The following FBXO25 variants were observed in gnomAD, a reference collection of about 807,000 sequenced individuals.
The protein encoded by FBXO25 is F-box protein 25.
In FBXO25, 45 loss-of-function variants were observed where a neutral mutation model predicts 51.9. The observed-to-expected ratio is 0.87, with a 90% CI of 0.68 to 1.11. The LOEUF is 1.11. Among genes scored for constraint, FBXO25 ranks in the 50% most tolerant of loss-of-function variants. The pLI, the probability that FBXO25 is intolerant of heterozygous loss-of-function variation, is 0.00. For synonymous variants in FBXO25, 199 were observed against 151.0 expected (o/e 1.32, Z -2.33); for missense variants, 507 against 428.5 (o/e 1.18, Z -1.62).
chr8:417,056 A>G (rs1796850197), intron 2 of FBXO25, among the ~76,000 whole-genome samples: 1 of 152,200 alleles, frequency 6.6e-6, no homozygotes, highest in African/African-American at 2.4e-5. Flanking sequence ...AGAAAAGTGC[A>G]AAGGCCTCAA....
intron 7 of FBXO25, among the ~76,000 whole-genome samples, chr8:453,602 G>A (rs1799232137): frequency 6.6e-6 from 1 of 152,176 alleles, no homozygotes. Context: ...CTCCTGACCT[G>A]CTGGCTGATG....
rs546347089 is a variant in FBXO25, at chr8:475,612, T to C, written c.*6808T>C. On this transcript the variant is annotated 3_prime_UTR_variant, in exon 10 of 10. Coordinates refer to ENST00000350302, the MANE Select transcript of FBXO25 (RefSeq NM_183420.2). ...TTTCTTTAAGCAGTGTTTTATGGTT[T>C]TCAAGTACAAGTCTTTTGCTTCCTT... 6.6e-6 allele frequency: 1 copy of C among 152,222 alleles called. No individual in the cohort carries two copies. The highest frequency in any genetic ancestry group is 1.5e-5 in the Non-Finnish European group (1 of 68,030). The allele number at this position is 152,222 out of a possible 1,614,324, so 9.4% of individuals were successfully genotyped here. A position where few individuals can be genotyped will look rare whatever the true frequency, so the allele number is the denominator to read the frequency against.
chr8:433,644 G>T (rs548513282), intron 4 of FBXO25, among the ~76,000 whole-genome samples: 36 of 152,274 alleles, frequency 2.4e-4, no homozygotes, highest in African/African-American at 8.4e-4. Flanking sequence ...TAGGATCCGG[G>T]AAGTTGAGTT....
intron 1 of FBXO25, among the ~76,000 whole-genome samples, chr8:411,591 G>C (rs1459775519): frequency 6.6e-6 from 1 of 152,080 alleles, no homozygotes; most frequent in African/African-American, 2.4e-5. Context: ...AATACTTATA[G>C]AGCTCCTGTT....
chr8:464,584 A>G (rs1034430916), intron 9 of FBXO25, among the ~76,000 whole-genome samples: 2 of 152,302 alleles, frequency 1.3e-5, no homozygotes, highest in Non-Finnish European at 1.5e-5. Flanking sequence ...TTTGCTTTAC[A>G]TTATCTATAT....
intron 1 of FBXO25, among the ~76,000 whole-genome samples, chr8:410,344 A>G (rs1796415630): frequency 6.6e-6 from 1 of 152,180 alleles, no homozygotes; most frequent in African/African-American, 2.4e-5. Context: ...CTAGCATAAT[A>G]ACATGTAGTT....
intron 2 of FBXO25, among the ~76,000 whole-genome samples, chr8:424,339 T>G (rs1428650888): frequency 6.6e-6 from 1 of 152,216 alleles, no homozygotes; most frequent in Non-Finnish European, 1.5e-5. Flanking sequence ...CAATAGTTTC[T>G]CTTGCTGTGC....
intron 1 of FBXO25, 145 bp from the exon 2 acceptor site, chr8:412,928 G>A (rs1360663999): frequency 2.5e-6 from 2 of 786,038 alleles, no homozygotes; most frequent in African/African-American, 3.6e-5. Flanking sequence ...TATTGTCACT[G>A]TCACCAATGT....
chr8:424,307 G>A (rs184733751), intron 2 of FBXO25, among the ~76,000 whole-genome samples: 7 of 152,136 alleles, frequency 4.6e-5, no homozygotes, highest in Non-Finnish European at 7.4e-5. Context: ...CTCTCATTCC[G>A]TAGGTTGTCT....
rs1162298848 is a variant in FBXO25, at chr8:435,835, C to A, written c.381+128C>A. ...GTGTGCCTGTTTGCTGCGTATTAAT[C>A]AAAAAACAGAAGGGAACAAGTTCAG... is the stretch of plus-strand genomic sequence containing the variant. On this transcript the variant is annotated intron_variant, in intron 5 of 9. Coordinates refer to ENST00000350302, the MANE Select transcript of FBXO25 (RefSeq NM_183420.2). 51 of 1,359,364 alleles carry A rather than the reference C, an allele frequency of 3.8e-5. No individual in the cohort carries two copies. In the South Asian group the frequency reaches 6.9e-4, roughly 19 times the overall value. The allele number at this position is 1,359,364 out of a possible 1,614,324, so 84.2% of individuals were successfully genotyped here.
intron 5 of FBXO25, among the ~76,000 whole-genome samples, chr8:438,550 C>G (rs1005147968): frequency 2.0e-5 from 3 of 152,176 alleles, no homozygotes; most frequent in Admixed American, 6.5e-5. Flanking sequence ...CGTTTTTACT[C>G]TAATCTTTGA....
Position 473,094 on chromosome 8 carries a change from G to GTATC in FBXO25, c.*4292_*4295dup, listed in dbSNP as rs1800534299. Reference sequence around the variant, plus strand: ...ACCAGCATCCACCCTGCACTCATATGTATCTCAACAGAATTGCTGCTTCTG... The same window carrying GTATC: ...ACCAGCATCCACCCTGCACTCATATGTATCTATCTCAACAGAATTGCTGCTTCTG... On this transcript the variant is annotated 3_prime_UTR_variant, in exon 10 of 10. Coordinates refer to ENST00000350302, the MANE Select transcript of FBXO25 (RefSeq NM_183420.2). 1 of 152,420 alleles carries GTATC rather than the reference G, an allele frequency of 6.6e-6. No individual in the cohort carries two copies. The highest frequency in any genetic ancestry group is 6.5e-5 in the Admixed American group (1 of 15,282). The allele number at this position is 152,420 out of a possible 1,614,324, so 9.4% of individuals were successfully genotyped here.
chr8:410,090 C>G (rs145571235), intron 1 of FBXO25, among the ~76,000 whole-genome samples: 5 of 152,166 alleles, frequency 3.3e-5, no homozygotes, highest in African/African-American at 9.6e-5. Context: ...GGGCGAAGAT[C>G]GAGTCCTAGT....
In FBXO25 at chr8:419,103, T is replaced by C. The variant is rs866120903; in HGVS notation, c.134+5890T>C. ...GGCTGGGCGTGGTGGCGCAGGCCTG[T>C]AATCCCAACACTTTGGGAGGCCAAG... On this transcript the variant is annotated intron_variant, in intron 2 of 9. Transcript: ENST00000350302. Among the ~76,000 whole-genome samples the C allele has an allele frequency of 2.0e-5, 3 of 152,204 alleles. 1 individual carries two copies. In the South Asian group the frequency reaches 6.2e-4, roughly 32 times the overall value.
intron 2 of FBXO25, among the ~76,000 whole-genome samples, chr8:427,441 A>G (rs1180058833): frequency 4.6e-5 from 7 of 151,208 alleles, no homozygotes; most frequent in Non-Finnish European, 1.0e-4. Context: ...TTTTCTCCCT[A>G]AAGTCTCTTC....
intron 5 of FBXO25, among the ~76,000 whole-genome samples, chr8:438,664 C>G (rs931740440): frequency 5.9e-5 from 9 of 152,216 alleles, no homozygotes; most frequent in Non-Finnish European, 1.3e-4. Flanking sequence ...AGGAGCCCAT[C>G]AGTGCTGGCA....
intron 2 of FBXO25, among the ~76,000 whole-genome samples, chr8:420,941 G>T (rs1418185184): frequency 1.3e-5 from 2 of 152,170 alleles, no homozygotes; most frequent in Admixed American, 6.5e-5. Context: ...TGGGGGGAGT[G>T]CCCAAATGAT....
At chr8:411,896 A>T (rs1203627092) in intron 1 of FBXO25, among the ~76,000 whole-genome samples, 1 of 152,180 alleles carries the variant, frequency 6.6e-6, no homozygotes, top group African/African-American at 2.4e-5. Context: ...TCACCTGTGG[A>T]CCTTTAAAAA....
intron 2 of FBXO25, among the ~76,000 whole-genome samples, chr8:419,334 A>G (rs1288536464): frequency 1.3e-5 from 2 of 152,164 alleles, no homozygotes; most frequent in East Asian, 1.9e-4. Flanking sequence ...CTGTCATTGC[A>G]CTCCAGCCTG....
Sources: gnomAD v4.1 joint callset for allele counts (sites outside exome capture counted in the v4.1 genomes callset) on GRCh38, gnomAD v4.1.1 for gene constraint, MANE v1.5 for transcripts, NCBI Gene and HGNC (gene_info 2026-07-23, HGNC 2026-07-21) for gene names.